MYO16: variants seen among roughly 807,000 people sequenced by gnomAD.
MYO16 encodes unconventional myosin-XVI.
Under a neutral mutation model 205.3 loss-of-function variants are expected in MYO16, and 94 were observed. The ratio of observed to expected loss-of-function variants is 0.46; its 90% CI spans 0.39 to 0.54. The LOEUF is 0.54. MYO16 is among the 20% of genes least tolerant of loss of function. The pLI, the probability that MYO16 is intolerant of heterozygous loss-of-function variation, is 0.00. For synonymous variants in MYO16, 988 were observed against 954.0 expected (o/e 1.04, Z -0.66); for missense variants, 2,315 against 2,387.5 (o/e 0.97, Z 0.63).
intron 4 of MYO16, among the ~76,000 whole-genome samples, chr13:108,754,938 G>A (rs889482935): frequency 5.9e-5 from 9 of 151,914 alleles, no homozygotes; most frequent in Non-Finnish European, 7.4e-5. Flanking sequence ...CTGTAAATAC[G>A]TAATAAGTAT....
At chr13:108,942,472 T>C (rs1024615490) in intron 16 of MYO16, among the ~76,000 whole-genome samples, 3 of 152,218 alleles carry the variant, frequency 2.0e-5, no homozygotes, top group Non-Finnish European at 2.9e-5. Flanking sequence ...AAGTCAATTG[T>C]TTTTAGAACA....
At chr13:108,654,810 C>T (rs1881169338) in intron 1 of MYO16, among the ~76,000 whole-genome samples, 1 of 152,200 alleles carries the variant, frequency 6.6e-6, no homozygotes, top group African/African-American at 2.4e-5. Context: ...AAAGGTGACT[C>T]TTGCTACGTT....
At chr13:108,776,104 C>A (rs1388682108) in intron 4 of MYO16, among the ~76,000 whole-genome samples, 2 of 152,184 alleles carry the variant, frequency 1.3e-5, no homozygotes, top group Non-Finnish European at 2.9e-5. Context: ...TTCAAAGAAT[C>A]CCCTTTGTAT....
At chr13:108,912,835 G>C (rs1881326110) in intron 16 of MYO16, among the ~76,000 whole-genome samples, 1 of 152,100 alleles carries the variant, frequency 6.6e-6, no homozygotes, top group Admixed American at 6.5e-5. Flanking sequence ...ATGTGTGTGT[G>C]TCTGTGTGTG....
rs150341203 is a variant in MYO16, at chr13:109,143,356, G to C, written c.5164+1980G>C. On this transcript the variant is annotated intron_variant, in intron 32 of 34. Coordinates refer to ENST00000457511, the MANE Select transcript of MYO16 (RefSeq NM_001198950.3). ...GACAAATAAGCTAATTGTTTGTTTA[G>C]CTAACAGATTCTTCTTAATTATAGG... Among the ~76,000 whole-genome samples the C allele has an allele frequency of 3.9e-5, 6 of 152,194 alleles. No individual in the cohort carries two copies. The East Asian group carries it at 1.2e-3, about 29-fold the overall frequency.
chr13:108,908,986 T>TAA (rs1414592040), intron 15 of MYO16, among the ~76,000 whole-genome samples: 2 of 138,974 alleles, frequency 1.4e-5, no homozygotes, highest in East Asian at 4.1e-4. Flanking sequence ...AAAAATAAAA[T>TAA]AAAATAAATA....
chr13:108,504,787 G>A, the MYO16 span, among the ~76,000 whole-genome samples: 41,500 of 147,970 alleles, frequency 0.28, 6,406 homozygotes, highest in Non-Finnish European at 0.35. Flanking sequence ...CACCCACCTC[G>A]GCCTCCCAAA....
rs200602619 is a variant in MYO16 at position 108,898,069 on chromosome 13, G to C, written c.1713G>C (p.Leu571Phe). 6 of 1,614,114 alleles carry C rather than the reference G, an allele frequency of 3.7e-6. No homozygotes were observed. Among genetic ancestry groups the C allele is most frequent in the African/African-American group, 1.3e-5 (1 of 75,040 alleles). ...FGHAKTTLND[L>F]SSCFIKYFEL... The stretch of plus-strand genomic sequence containing the variant: ...ATGCCAAGACCACACTTAATGATTT[G>C]TCCAGTTGCTTCATCAAGTATTTTG... The change falls in exon 15 of 35, where the codon TTG becomes TTC. Residue 571 changes from leucine (L) to phenylalanine (F), a missense_variant. Physicochemically the swap from Leu to Phe is conservative, Grantham distance 22. Coordinates refer to ENST00000457511, the MANE Select transcript of MYO16 (RefSeq NM_001198950.3).
chr13:108,576,976 G>T, the MYO16 span, among the ~76,000 whole-genome samples: 4 of 152,208 alleles, frequency 2.6e-5, no homozygotes, highest in African/African-American at 7.2e-5. Flanking sequence ...GCCTAGGCTG[G>T]TCTTGCACTC....
intron 33 of MYO16, among the ~76,000 whole-genome samples, chr13:109,171,541 T>C (rs1377110566): frequency 6.6e-6 from 1 of 152,252 alleles, no homozygotes; most frequent in Non-Finnish European, 1.5e-5. Flanking sequence ...ATTATAGCTA[T>C]CACTTACTTT....
At chr13:108,655,118 A>G (rs948611265) in intron 1 of MYO16, among the ~76,000 whole-genome samples, 5 of 152,222 alleles carry the variant, frequency 3.3e-5, no homozygotes, top group Non-Finnish European at 5.9e-5. Context: ...CCCCAAGACA[A>G]TGGAGAAAAT....
intron 19 of MYO16, among the ~76,000 whole-genome samples, chr13:108,962,769 A>G (rs569245340): frequency 6.6e-6 from 1 of 152,328 alleles, no homozygotes; most frequent in African/African-American, 2.4e-5. Context: ...TTCAAAGAAA[A>G]TATTGGATCC....
At chr13:108,802,810 C>T (rs534090509) in intron 6 of MYO16, among the ~76,000 whole-genome samples, 4 of 152,138 alleles carry the variant, frequency 2.6e-5, no homozygotes, top group Admixed American at 6.6e-5. Context: ...ATTTGCAGCA[C>T]CCTAATGATT....
At chr13:109,032,528 C>G (rs185501385) in intron 23 of MYO16, among the ~76,000 whole-genome samples, 73 of 152,194 alleles carry the variant, frequency 4.8e-4, no homozygotes, top group South Asian at 1.0e-3. Flanking sequence ...AGGAAGAAAC[C>G]GTGGAAATGC....
chr13:108,540,805 C>A, the MYO16 span, among the ~76,000 whole-genome samples: 2 of 152,046 alleles, frequency 1.3e-5, no homozygotes, highest in Non-Finnish European at 2.9e-5. Context: ...ATCAGAAGTG[C>A]AAAGCTTCAT....
intron 3 of MYO16, among the ~76,000 whole-genome samples, chr13:108,716,178 CGAAT>C (rs1248919276): frequency 1.3e-5 from 2 of 152,114 alleles, no homozygotes; most frequent in African/African-American, 4.8e-5. Context: ...GCATAGTCAA[CGAAT>C]GAATGAATGA....
intron 23 of MYO16, among the ~76,000 whole-genome samples, chr13:109,022,708 TATATAC>T (rs1886117823): frequency 1.9e-5 from 2 of 104,092 alleles, no homozygotes; most frequent in South Asian, 3.6e-4. Context: ...TTATATATTA[TATATAC>T]GCATATAAAC....
chr13:109,078,561 G>C (rs892502097), intron 27 of MYO16, among the ~76,000 whole-genome samples: 1 of 152,080 alleles, frequency 6.6e-6, no homozygotes, highest in Non-Finnish European at 1.5e-5. Flanking sequence ...CTTTATTATA[G>C]ATTGTATATT....
At chr13:109,158,991 A>G (rs545251366) in intron 32 of MYO16, among the ~76,000 whole-genome samples, 51 of 152,284 alleles carry the variant, frequency 3.3e-4, no homozygotes, top group African/African-American at 1.2e-3. Flanking sequence ...GCACAGCCAA[A>G]GCATGCCAAC....
Sources: gnomAD v4.1 joint callset for allele counts (sites outside exome capture counted in the v4.1 genomes callset) on GRCh38, gnomAD v4.1.1 for gene constraint, MANE v1.5 for transcripts, NCBI Gene and HGNC (gene_info 2026-07-23, HGNC 2026-07-21) for gene names.